GNB4: variants seen among roughly 807,000 people sequenced by gnomAD.
GNB4 encodes the protein G protein subunit beta 4, also known as guanine nucleotide-binding protein subunit beta-4.
GNB4 carries 28 observed loss-of-function variants against 45.2 expected under a neutral mutation model. The ratio of observed to expected loss-of-function variants is 0.62; its 90% CI spans 0.46 to 0.85. The LOEUF (loss-of-function observed/expected upper bound fraction) is 0.85, where lower values mean the gene tolerates loss of function less well. Ranked by LOEUF, GNB4 falls within the 40% of genes least tolerant of loss-of-function variation. The probability of loss-of-function intolerance (pLI) is 0.00; values close to 1 mark genes in which losing one functional copy is unlikely to be tolerated. For synonymous variants in GNB4, 132 were observed against 143.7 expected (o/e 0.92, Z 0.58); for missense variants, 321 against 425.4 (o/e 0.75, Z 2.16).
chr3:179,420,264 G>T (rs1291561454), intron 3 of GNB4, among the ~76,000 whole-genome samples: 1 of 149,184 alleles, frequency 6.7e-6, no homozygotes, highest in Non-Finnish European at 1.5e-5. Flanking sequence ...AAGTAGCTGG[G>T]ATTACAGGCA....
chr3:179,437,513 G>A (rs768606790), intron 1 of GNB4, among the ~76,000 whole-genome samples: 13 of 151,836 alleles, frequency 8.6e-5, no homozygotes, highest in African/African-American at 2.4e-4. Context: ...TGCAGTGAGC[G>A]GAAGATTGCA....
At chr3:179,405,455 A>T (rs774766218) in intron 8 of GNB4, 49 bp from the exon 9 acceptor site, 1 of 1,270,792 alleles carries the variant, frequency 7.9e-7, no homozygotes, top group African/African-American at 1.5e-5. Flanking sequence ...ATGCACAATC[A>T]TAGGAGGCAA....
chr3:179,523,726 C>T, the GNB4 span, among the ~76,000 whole-genome samples: 2 of 151,370 alleles, frequency 1.3e-5, no homozygotes, highest in Admixed American at 6.6e-5. Flanking sequence ...TAGTAATGGG[C>T]GTGTGATTGG....
At position 179,413,797 on chromosome 3, in the gene GNB4, T is replaced by G. The variant is rs201576626; in HGVS notation, c.431-16A>C. On this transcript the variant is annotated splice_polypyrimidine_tract_variant and intron_variant, in intron 6 of 9. Transcript: ENST00000232564. ...GACAAGTACCCTACAGCATAAAGAG[T>G]AGCAAATTTTAGGTTATCACTGATT... 39 of 1,601,742 alleles carry G rather than the reference T, an allele frequency of 2.4e-5. No homozygotes were observed. In the African/African-American group the frequency reaches 5.0e-4, roughly 20 times the overall value.
the GNB4 span, among the ~76,000 whole-genome samples, chr3:179,516,235 T>A: frequency 6.6e-6 from 1 of 152,272 alleles, no homozygotes; most frequent in South Asian, 2.1e-4. Context: ...TTTTACCAAA[T>A]ACCAAGAGCC....
the GNB4 span, among the ~76,000 whole-genome samples, chr3:179,513,976 C>T: frequency 1.3e-5 from 2 of 152,186 alleles, no homozygotes; most frequent in Non-Finnish European, 1.5e-5. Flanking sequence ...ATTTCATTTA[C>T]TCATTCAACA....
At chr3:179,432,715 G>C (rs1319316302) in intron 1 of GNB4, among the ~76,000 whole-genome samples, 3 of 152,160 alleles carry the variant, frequency 2.0e-5, no homozygotes, top group Admixed American at 6.5e-5. Flanking sequence ...AGCTCCCTCA[G>C]GCTGTTTATC....
At chr3:179,525,890 T>A in the GNB4 span, among the ~76,000 whole-genome samples, 1 of 151,996 alleles carries the variant, frequency 6.6e-6, no homozygotes, top group East Asian at 1.9e-4. Flanking sequence ...GATCTCCTCA[T>A]GGAGTGAGGG....
At chr3:179,495,134 T>A in the GNB4 span, among the ~76,000 whole-genome samples, 1 of 151,922 alleles carries the variant, frequency 6.6e-6, no homozygotes. Flanking sequence ...GTGTCCATAG[T>A]CATAACTACA....
At chr3:179,494,987 TGGA>T in the GNB4 span, among the ~76,000 whole-genome samples, 1 of 148,362 alleles carries the variant, frequency 6.7e-6, no homozygotes, top group South Asian at 2.1e-4. Flanking sequence ...TGGAGAGATA[TGGA>T]TATCCACAGC....
At chr3:179,461,826 T>C in the GNB4 span, among the ~76,000 whole-genome samples, 3 of 152,244 alleles carry the variant, frequency 2.0e-5, no homozygotes, top group African/African-American at 7.2e-5. Context: ...TACTGTGTAA[T>C]GAGAATCTTA....
intron 4 of GNB4, 53 bp from the exon 5 acceptor site, chr3:179,416,609 A>G: frequency 8.9e-7 from 1 of 1,123,404 alleles, no homozygotes; most frequent in Non-Finnish European, 1.3e-6. Flanking sequence ...AAAATAGCTT[A>G]AATTGGTTAT....
At chr3:179,484,767 C>T in the GNB4 span, among the ~76,000 whole-genome samples, 1 of 151,810 alleles carries the variant, frequency 6.6e-6, no homozygotes, top group African/African-American at 2.4e-5. Flanking sequence ...AGTTATAGTA[C>T]TGCTGGTCAT....
At chr3:179,415,473 C>T (rs960139759) in intron 5 of GNB4, among the ~76,000 whole-genome samples, 22 of 152,146 alleles carry the variant, frequency 1.4e-4, no homozygotes, top group African/African-American at 5.3e-4. Context: ...GTATCAGAGT[C>T]GATTACATGA....
At chr3:179,494,292 A>G in the GNB4 span, among the ~76,000 whole-genome samples, 1 of 151,378 alleles carries the variant, frequency 6.6e-6, no homozygotes, top group African/African-American at 2.4e-5. Flanking sequence ...AGAAAGAAAG[A>G]AAGAGAGAGG....
the GNB4 span, among the ~76,000 whole-genome samples, chr3:179,484,834 A>G: frequency 3.7e-5 from 3 of 82,088 alleles, no homozygotes; most frequent in African/African-American, 9.3e-5. Flanking sequence ...ATAGCTATAT[A>G]TATGTGTGTG....
chr3:179,426,038 T>C (rs749869722), intron 2 of GNB4, 106 bp downstream of exon 2: 3 of 852,192 alleles, frequency 3.5e-6, no homozygotes, highest in African/African-American at 3.5e-5. Context: ...AAAAGACCAT[T>C]TCTAGCCTTA....
At chr3:179,445,286 T>TC in intron 1 of GNB4, among the ~76,000 whole-genome samples, 1 of 152,234 alleles carries the variant, frequency 6.6e-6, no homozygotes, top group East Asian at 1.9e-4. Context: ...TACTTTTTTT[T>TC]CCTTTCTTTC....
Position 179,427,530 on chromosome 3 carries a change from GGGA to G in GNB4, c.-42-1291_-42-1289del, listed in dbSNP as rs946761230. 2.0e-5 allele frequency among the ~76,000 whole-genome samples: 3 copies of G among 150,718 alleles called. No individual in the cohort carries two copies. In the Admixed American group the frequency reaches 2.0e-4, roughly 10 times the overall value. On this transcript the variant is annotated intron_variant, in intron 1 of 9. Coordinates refer to ENST00000232564, the MANE Select transcript of GNB4 (RefSeq NM_021629.4). Reference sequence around the variant, plus strand: ...TGAGGCAAAAGAATTGCTTGAATCTGGGAGGAGGAGGCTGCAGTGAGCCGAGGT... The same window carrying G: ...TGAGGCAAAAGAATTGCTTGAATCTGGGAGGAGGCTGCAGTGAGCCGAGGT...
Sources: allele counts gnomAD v4.1 joint callset (sites outside exome capture counted in the v4.1 genomes callset), GRCh38; gene constraint gnomAD v4.1.1; transcripts MANE v1.5; gene names NCBI Gene and HGNC (gene_info 2026-07-23, HGNC 2026-07-21).